RCSD1: variants seen among roughly 807,000 people sequenced by gnomAD.
RCSD1 encodes the protein capZ-interacting protein.
Under a neutral mutation model 42.5 loss-of-function variants are expected in RCSD1, and 26 were observed. The ratio of observed to expected loss-of-function variants is 0.61; its 90% CI spans 0.45 to 0.85. The LOEUF is 0.85. Among genes scored for constraint, RCSD1 ranks in the 40% least tolerant of loss-of-function variants. The pLI is 0.00. For synonymous variants in RCSD1, 220 were observed against 212.2 expected (o/e 1.04, Z -0.32); for missense variants, 571 against 528.3 (o/e 1.08, Z -0.79).
intron 1 of RCSD1, among the ~76,000 whole-genome samples, chr1:167,654,697 G>C (rs1571680901): frequency 6.6e-6 from 1 of 152,218 alleles, no homozygotes; most frequent in East Asian, 1.9e-4. Flanking sequence ...AGGTTATGTG[G>C]GCAGGAGAGG....
rs990059622 is a variant in RCSD1, at chr1:167,705,518, A to T, written c.*822A>T. 1.3e-5 allele frequency: 2 copies of T among 152,202 alleles called. No homozygotes were observed. Among genetic ancestry groups the T allele is most frequent in the Non-Finnish European group, 1.5e-5 (1 of 68,040 alleles). The allele number at this position is 152,202 out of a possible 1,614,324, so 9.4% of individuals were successfully genotyped here. On this transcript the variant is annotated 3_prime_UTR_variant, in exon 7 of 7. Coordinates refer to ENST00000367854, the MANE Select transcript of RCSD1 (RefSeq NM_052862.4). ...CCGCGTTGCATCTCCTCCTGAAAGA[A>T]AAGCAGTGATACCTGAATAATGCTG...
intron 1 of RCSD1, among the ~76,000 whole-genome samples, chr1:167,671,321 C>G (rs1204866511): frequency 6.6e-6 from 1 of 152,242 alleles, no homozygotes; most frequent in African/African-American, 2.4e-5. Context: ...TACTGAAGGT[C>G]TGCTGATACC....
At chr1:167,698,057 T>C (rs767783439) in intron 6 of RCSD1, among the ~76,000 whole-genome samples, 2 of 152,198 alleles carry the variant, frequency 1.3e-5, no homozygotes, top group Non-Finnish European at 2.9e-5. Context: ...CTTCTGCTCT[T>C]GCCAACTTCT....
chr1:167,632,073 G>A (rs1657715813), intron 1 of RCSD1, among the ~76,000 whole-genome samples: 1 of 152,214 alleles, frequency 6.6e-6, no homozygotes, highest in South Asian at 2.1e-4. Context: ...TCAGCAGGTG[G>A]TGTGCACACA....
chr1:167,644,794 T>C (rs564946452), intron 1 of RCSD1, among the ~76,000 whole-genome samples: 1 of 152,304 alleles, frequency 6.6e-6, no homozygotes, highest in South Asian at 2.1e-4. Flanking sequence ...GCTGCGGGGA[T>C]TGGACAGTAA....
intron 5 of RCSD1, among the ~76,000 whole-genome samples, chr1:167,695,154 G>C (rs1286128112): frequency 6.6e-6 from 1 of 152,250 alleles, no homozygotes. Context: ...AGGCAGGCTT[G>C]AGCCTGCCGG....
chr1:167,705,843 T>G lies in RCSD1; in HGVS notation c.*1147T>G, dbSNP rs547844087. ...GGGGCCTGACTACCCAGTCTTTGAC[T>G]TGTATCCTCTCCCCTCTTCATACAC... is the stretch of plus-strand genomic sequence containing the variant. On this transcript the variant is annotated 3_prime_UTR_variant, in exon 7 of 7. Coordinates refer to ENST00000367854, the MANE Select transcript of RCSD1 (RefSeq NM_052862.4). 6.6e-6 allele frequency: 1 copy of G among 152,328 alleles called. No homozygotes were observed. Among genetic ancestry groups the G allele is most frequent in the Admixed American group, 6.5e-5 (1 of 15,304 alleles). The allele number at this position is 152,328 out of a possible 1,614,324, so 9.4% of individuals were successfully genotyped here. A position where few individuals can be genotyped will look rare whatever the true frequency, so the allele number is the denominator to read the frequency against.
chr1:167,660,255 A>G (rs1658510728), intron 1 of RCSD1, among the ~76,000 whole-genome samples: 1 of 152,184 alleles, frequency 6.6e-6, no homozygotes, highest in South Asian at 2.1e-4. Context: ...CCAGGGTCAC[A>G]TAAGGAACAG....
intron 5 of RCSD1, 117 bp from the exon 6 acceptor site, chr1:167,696,982 G>A (rs962091099): frequency 2.2e-5 from 19 of 861,830 alleles, no homozygotes; most frequent in East Asian, 7.9e-5. Context: ...AAAATTAAAC[G>A]GTCCTTGCGT....
chr1:167,644,189 A>G (rs1001523774), intron 1 of RCSD1, among the ~76,000 whole-genome samples: 2 of 152,116 alleles, frequency 1.3e-5, no homozygotes, highest in Non-Finnish European at 2.9e-5. Context: ...GGCTCAAGAA[A>G]TATGTTTTGG....
At chr1:167,672,298 G>A (rs1658829190) in intron 1 of RCSD1, among the ~76,000 whole-genome samples, 1 of 152,196 alleles carries the variant, frequency 6.6e-6, no homozygotes, top group East Asian at 1.9e-4. Context: ...GTGGGTGCTT[G>A]CAAATACTTG....
intron 5 of RCSD1, among the ~76,000 whole-genome samples, chr1:167,694,695 C>A (rs1659455329): frequency 6.6e-6 from 1 of 152,194 alleles, no homozygotes; most frequent in African/African-American, 2.4e-5. Context: ...TGGGCAGCAT[C>A]CCTAGAACTC....
At position 167,708,449 on chromosome 1, in the gene RCSD1, T is replaced by C. The variant is rs890770023; in HGVS notation, c.*3753T>C. 6.6e-6 allele frequency among the ~76,000 whole-genome samples: 1 copy of C among 152,206 alleles called. No individual in the cohort carries two copies. Among genetic ancestry groups the C allele is most frequent in the African/African-American group, 2.4e-5 (1 of 41,446 alleles). On this transcript the variant is annotated 3_prime_UTR_variant, in exon 7 of 7. Transcript: ENST00000367854. ...AAAAAGGATAAACAATGTCTCTATA[T>C]AATGCATGATCAGGTGGTTTATGAA...
chr1:167,647,472 G>GT (rs1658187611), intron 1 of RCSD1, among the ~76,000 whole-genome samples: 3 of 151,974 alleles, frequency 2.0e-5, no homozygotes, highest in Admixed American at 2.0e-4. Flanking sequence ...TGTAGTCCCA[G>GT]TTATTCAGGA....
At chr1:167,646,308 G>A (rs1346847629) in intron 1 of RCSD1, among the ~76,000 whole-genome samples, 1 of 152,112 alleles carries the variant, frequency 6.6e-6, no homozygotes, top group Non-Finnish European at 1.5e-5. Context: ...ACAGGCCTGG[G>A]TGGTGAGCAG....
intron 1 of RCSD1, chr1:167,663,852 A>G (rs1315227300): frequency 1.3e-5 from 2 of 152,234 alleles, no homozygotes; most frequent in Non-Finnish European, 2.9e-5. Context: ...AAATGAGGGG[A>G]GAGCTTATTA....
In RCSD1 at chr1:167,707,653, T is replaced by C. The variant is rs1258517851; in HGVS notation, c.*2957T>C. ...TAGTTGCAGCCAAGGCTGTCTCTTT[T>C]TTCTCTTCTTTTCTCTTCTTTTTTT... On this transcript the variant is annotated 3_prime_UTR_variant, in exon 7 of 7. Transcript: ENST00000367854. 2.1e-5 allele frequency among the ~76,000 whole-genome samples: 3 copies of C among 140,602 alleles called. No individual in the cohort carries two copies. The East Asian group carries it at 6.1e-4, about 29-fold the overall frequency. 92.2% of individuals were successfully genotyped at this position (140,602 alleles called of 152,430 possible).
chr1:167,634,939 AGAGTGTGTGTGT>A (rs1331067052), intron 1 of RCSD1, among the ~76,000 whole-genome samples: 1 of 74,488 alleles, frequency 1.3e-5, no homozygotes, highest in Admixed American at 1.3e-4. Context: ...TACTATGATG[AGAGTGTGTGTGT>A]GTGTGTGTGT....
chr1:167,649,792 G>A lies in RCSD1; in HGVS notation c.6+19363G>A, dbSNP rs74459663. Among the ~76,000 whole-genome samples the A allele has an allele frequency of 5.5e-3, 845 of 152,318 alleles. 9 individuals carry two copies. Among genetic ancestry groups the A allele is most frequent in the Middle Eastern group, 0.01 (3 of 294 alleles). On this transcript the variant is annotated intron_variant, in intron 1 of 6. Transcript: ENST00000367854. Reference sequence around the variant, plus strand: ...TAGCTGACGACTAAGGGAGAGGACAGCATTGTTCCAAGGGACCTGTGTGTT... The same window carrying A: ...TAGCTGACGACTAAGGGAGAGGACAACATTGTTCCAAGGGACCTGTGTGTT...
Sources: gnomAD v4.1 joint callset for allele counts (sites outside exome capture counted in the v4.1 genomes callset) on GRCh38, gnomAD v4.1.1 for gene constraint, MANE v1.5 for transcripts, NCBI Gene and HGNC (gene_info 2026-07-23, HGNC 2026-07-21) for gene names.